Variants in MAP3K2 observed in about 807,000 individuals in gnomAD.
MAP3K2 encodes MAP/ERK kinase kinase 2.
In MAP3K2, 24 loss-of-function variants were observed where a neutral mutation model predicts 80.3. That is an observed-to-expected ratio of 0.30 (90% CI 0.22 to 0.42). The LOEUF is 0.42. Ranked by LOEUF, MAP3K2 falls within the 10% of genes least tolerant of loss-of-function variation. The pLI is 1.00. For synonymous variants in MAP3K2, 244 were observed against 253.7 expected, an observed-to-expected ratio of 0.96 and a Z score of 0.36; for missense variants, 608 against 750.1, an observed-to-expected ratio of 0.81 and a Z score of 2.21.
chr2:127,354,284 AAG>A (rs1491037766), intron 1 of MAP3K2, among the ~76,000 whole-genome samples: 5 of 151,782 alleles, frequency 3.3e-5, no homozygotes, highest in Admixed American at 6.6e-5. Flanking sequence ...AAAAAAAAAA[AAG>A]AGTGCATGCT....
At position 127,305,245 on chromosome 2, in the gene MAP3K2, G is replaced by A. The variant is rs1685674500; in HGVS notation, c.*2334C>T. 1 of 152,466 alleles carries A rather than the reference G, an allele frequency of 6.6e-6. No individual in the cohort carries two copies. Among genetic ancestry groups the A allele is most frequent in the Admixed American group, 6.6e-5 (1 of 15,240 alleles). The allele number at this position is 152,466 out of a possible 1,614,324, so 9.4% of individuals were successfully genotyped here. ...TATGAAGGAAAAGCCCACTGGTCAA[G>A]GACCATGATCTTGCTCAAGTAGAAA... On this transcript the variant is annotated 3_prime_UTR_variant, in exon 17 of 17. Coordinates refer to ENST00000682094, the MANE Select transcript of MAP3K2 (RefSeq NM_001371910.2).
At chr2:127,368,271 G>A (rs1034217613) in intron 1 of MAP3K2, among the ~76,000 whole-genome samples, 1 of 148,762 alleles carries the variant, frequency 6.7e-6, no homozygotes, top group Non-Finnish European at 1.5e-5. Flanking sequence ...GCAGTGAGCC[G>A]AGATCACACC....
Position 127,318,210 on chromosome 2 carries a change from T to C in MAP3K2, c.1153A>G (p.Lys385Glu). The C allele has an allele frequency of 6.2e-7, 1 of 1,610,772 alleles. No homozygotes were observed. Among genetic ancestry groups the C allele is most frequent in the South Asian group, 1.1e-5 (1 of 90,342 alleles). The change falls in exon 13 of 17, where the codon AAG becomes GAG. Residue 385 changes from lysine to glutamate, a missense_variant. Physicochemically the swap from Lys to Glu is moderately conservative, Grantham distance 56 (BLOSUM62 1). This residue lies in a region of MAP3K2 where 467 missense variants were observed against 521.9 expected (regional missense o/e 0.89). Transcript: ENST00000682094. ...CTATCGGGGTCAAATTGAACTTGCT[T>C]AACAGCCAATTCTCTTCCTGTATCA... ...DVDTGRELAV[K>E]QVQFDPDSPE...
At chr2:127,315,674 C>A (rs1323673349) in intron 14 of MAP3K2, among the ~76,000 whole-genome samples, 1 of 152,204 alleles carries the variant, frequency 6.6e-6, no homozygotes, top group Non-Finnish European at 1.5e-5. Flanking sequence ...GTGGCTCACA[C>A]CTGTAATCCC....
chr2:127,314,932 TG>T, intron 14 of MAP3K2, 49 bp from the exon 15 acceptor site: 1 of 1,336,260 alleles, frequency 7.5e-7, no homozygotes, highest in Non-Finnish European at 1.0e-6. Context: ...TGGTTTGAAA[TG>T]AAAACTGCTA....
intron 5 of MAP3K2, among the ~76,000 whole-genome samples, chr2:127,331,122 C>T (rs1686248280): frequency 6.6e-6 from 1 of 151,912 alleles, no homozygotes; most frequent in African/African-American, 2.4e-5. Context: ...CATAGTAAAC[C>T]CTGCATGTGG....
intron 1 of MAP3K2, among the ~76,000 whole-genome samples, chr2:127,360,867 AAG>A (rs1398533927): frequency 6.6e-6 from 1 of 152,220 alleles, no homozygotes; most frequent in Non-Finnish European, 1.5e-5. Flanking sequence ...GTTAATTTCA[AAG>A]AAGTATTTCC....
chr2:127,358,569 G>A lies in MAP3K2; in HGVS notation c.-65-15375C>T, dbSNP rs113916449. Among the ~76,000 whole-genome samples, 358 of 152,212 alleles carry A rather than the reference G, an allele frequency of 2.4e-3. 1 individual carries two copies. The highest frequency in any genetic ancestry group is 7.8e-3 in the African/African-American group (324 of 41,538). On this transcript the variant is annotated intron_variant, in intron 1 of 16. Coordinates refer to ENST00000682094, the MANE Select transcript of MAP3K2 (RefSeq NM_001371910.2). ...ATAAAGTGTGGCATATCCATATGAC[G>A]GAATATTAAGAACTATCAAGTCACA...
At chr2:127,312,519 G>C (rs1388679071) in intron 15 of MAP3K2, among the ~76,000 whole-genome samples, 1 of 152,142 alleles carries the variant, frequency 6.6e-6, no homozygotes, top group East Asian at 1.9e-4. Flanking sequence ...TAATTAACTG[G>C]GCATGGTGGT....
At position 127,338,931 on chromosome 2, in the gene MAP3K2, C is replaced by T; in HGVS notation, c.123+1G>A. The T allele has an allele frequency of 6.4e-7, 1 of 1,573,334 alleles. No homozygotes were observed. Among genetic ancestry groups the T allele is most frequent in the Non-Finnish European group, 8.7e-7 (1 of 1,152,226 alleles). ...AAAAAAATACTTATTAAAATAAATACCTGTTTTTTTGGTGATGAAGATTTT... is the reference window on the plus strand; with the variant it reads ...AAAAAAATACTTATTAAAATAAATATCTGTTTTTTTGGTGATGAAGATTTT... On this transcript the variant is annotated splice_donor_variant, in intron 3 of 16. Transcript: ENST00000682094. LOFTEE classifies it high-confidence loss of function.
Position 127,322,028 on chromosome 2 carries a change from C to T in MAP3K2, c.1045+18G>A, listed in dbSNP as rs568744994. On this transcript the variant is annotated intron_variant, in intron 12 of 16. Coordinates refer to ENST00000682094, the MANE Select transcript of MAP3K2 (RefSeq NM_001371910.2). This position sits in a 1 kb window ranked among gnomAD's most constrained non-coding sequence, Gnocchi z 4.2. Reference sequence around the variant, plus strand: ...AGATTCTGCTCTACATTTCACTATACCAAGTTCTATTACTTACAACGGCTG... The same window carrying T: ...AGATTCTGCTCTACATTTCACTATATCAAGTTCTATTACTTACAACGGCTG... 47 of 1,602,772 alleles carry T rather than the reference C, an allele frequency of 2.9e-5. No homozygotes were observed. The East Asian group carries it at 1.0e-3, about 35-fold the overall frequency.
chr2:127,350,854 T>TA (rs1316570566), intron 1 of MAP3K2, among the ~76,000 whole-genome samples: 1 of 151,352 alleles, frequency 6.6e-6, no homozygotes, highest in East Asian at 1.9e-4. Context: ...ACAGGCAAAT[T>TA]AAAATCATGT....
chr2:127,364,522 G>A lies in MAP3K2; in HGVS notation c.-65-21328C>T, dbSNP rs1351866280. Among the ~76,000 whole-genome samples, 2 of 152,112 alleles carry A rather than the reference G, an allele frequency of 1.3e-5. No homozygotes were observed. The highest frequency in any genetic ancestry group is 2.4e-5 in the African/African-American group (1 of 41,412). ...AATTATCGTCTGTGGACTGTCAGAC[G>A]ATGTGCTAGACATTTCACATACACT... On this transcript the variant is annotated intron_variant, in intron 1 of 16. Coordinates refer to ENST00000682094, the MANE Select transcript of MAP3K2 (RefSeq NM_001371910.2). The surrounding 1 kb of genome is among the most constrained non-coding windows in gnomAD (Gnocchi z 4.1).
At chr2:127,359,191 A>G (rs1574001030) in intron 1 of MAP3K2, among the ~76,000 whole-genome samples, 1 of 152,196 alleles carries the variant, frequency 6.6e-6, no homozygotes, top group South Asian at 2.1e-4. Flanking sequence ...TTCTAATGTA[A>G]ATTATGGACT....
chr2:127,351,468 A>G (rs1388468005), intron 1 of MAP3K2, among the ~76,000 whole-genome samples: 3 of 152,150 alleles, frequency 2.0e-5, no homozygotes, highest in Non-Finnish European at 4.4e-5. Context: ...AAAAAAATCT[A>G]TTCTTCTCCA....
chr2:127,353,954 T>C (rs1032305614), intron 1 of MAP3K2, among the ~76,000 whole-genome samples: 2 of 151,730 alleles, frequency 1.3e-5, no homozygotes, highest in Non-Finnish European at 2.9e-5. Context: ...CCCAACCCTG[T>C]GCTCTCTGAA....
At position 127,336,043 on chromosome 2, in the gene MAP3K2, T is replaced by G. The variant is rs925620383; in HGVS notation, c.165-74A>C. 2.6e-5 allele frequency: 21 copies of G among 801,846 alleles called. No individual in the cohort carries two copies. The African/African-American group carries it at 3.3e-4, about 12-fold the overall frequency. The allele number at this position is 801,846 out of a possible 1,614,324, so 49.7% of individuals were successfully genotyped here. On this transcript the variant is annotated intron_variant, in intron 4 of 16. Coordinates refer to ENST00000682094, the MANE Select transcript of MAP3K2 (RefSeq NM_001371910.2). ...AATAAACTTGCAAAAGTTACCTCCT[T>G]TTAGAGTGATACAAGATTAACTAAA...
chr2:127,377,401 T>TA (rs1011854581), intron 1 of MAP3K2, among the ~76,000 whole-genome samples: 2 of 151,606 alleles, frequency 1.3e-5, no homozygotes, highest in East Asian at 1.9e-4. Context: ...TTTTTTTTTT[T>TA]AAACTACATT....
In MAP3K2 at chr2:127,339,510, T is replaced by A. The variant is rs1450044747; in HGVS notation, c.5-460A>T. Among the ~76,000 whole-genome samples the A allele has an allele frequency of 1.3e-5, 2 of 152,046 alleles. No homozygotes were observed. The highest frequency in any genetic ancestry group is 2.9e-5 in the Non-Finnish European group (2 of 67,992). ...TTATTCTTTCATCAATACTTAAGAG[T>A]CAGAAACAAAGAAAAGCTTCACCTG... On this transcript the variant is annotated intron_variant, in intron 2 of 16. Coordinates refer to ENST00000682094, the MANE Select transcript of MAP3K2 (RefSeq NM_001371910.2). This position sits in a 1 kb window ranked among gnomAD's most constrained non-coding sequence, Gnocchi z 4.2.
Sources: allele counts gnomAD v4.1 joint callset (sites outside exome capture counted in the v4.1 genomes callset), GRCh38; gene constraint gnomAD v4.1.1; regional missense constraint gnomAD v4.1.1; non-coding constraint Gnocchi (gnomAD v3.1); transcripts MANE v1.5; gene names NCBI Gene and HGNC (gene_info 2026-07-23, HGNC 2026-07-21).